The following TARS3 variants were observed in gnomAD, a reference collection of about 807,000 sequenced individuals.
TARS3 encodes the protein threonine--tRNA ligase 2, cytoplasmic.
In TARS3, 94 loss-of-function variants were observed where a neutral mutation model predicts 103.5. The observed-to-expected ratio is 0.91, with a 90% CI of 0.77 to 1.08. The LOEUF (loss-of-function observed/expected upper bound fraction) is 1.08, where lower values mean the gene tolerates loss of function less well. Among genes scored for constraint, TARS3 ranks in the 50% least tolerant of loss-of-function variants. The probability of loss-of-function intolerance (pLI) is 0.00; values close to 1 mark genes in which losing one functional copy is unlikely to be tolerated. For missense variants in TARS3, 952 were observed against 995.2 expected (o/e 0.96, Z 0.58); for synonymous variants, 416 against 355.4 (o/e 1.17, Z -1.92).
chr15:101,716,860 T>TC (rs1900183499), intron 3 of TARS3, among the ~76,000 whole-genome samples: 1 of 150,186 alleles, frequency 6.7e-6, no homozygotes, highest in Admixed American at 6.6e-5. Flanking sequence ...ATGTAATTTT[T>TC]TTTTTTTTTT....
In TARS3 at chr15:101,653,768, A is replaced by G. The variant is rs184238915; in HGVS notation, c.*814T>C. On this transcript the variant is annotated 3_prime_UTR_variant, in exon 19 of 19. Transcript: ENST00000335968. ...TTTGGTAGCTGAATTCTCTATTGACATAATGCCATTTTAATTCAGTTCTGA... is the reference window on the plus strand; with the variant it reads ...TTTGGTAGCTGAATTCTCTATTGACGTAATGCCATTTTAATTCAGTTCTGA... 4 of 152,354 alleles carry G rather than the reference A, an allele frequency of 2.6e-5. 1 individual carries two copies. The highest frequency in any genetic ancestry group is 9.6e-5 in the African/African-American group (4 of 41,580). 9.4% of individuals were successfully genotyped at this position (152,354 alleles called of 1,614,324 possible).
In TARS3 at chr15:101,724,236, G is replaced by C; in HGVS notation, c.152C>G (p.Thr51Arg). 6.4e-7 allele frequency: 1 copy of C among 1,551,728 alleles called. No individual in the cohort carries two copies. The highest frequency in any genetic ancestry group is 1.4e-5 in the African/African-American group (1 of 71,488). The change falls in exon 1 of 19, where the codon ACG becomes AGG. Residue 51 changes from threonine (T) to arginine (R), a missense_variant. By Grantham distance (71) the Thr-to-Arg change is moderately conservative. Transcript: ENST00000335968. ...YSCQAEGPCL[T>R]REVAQLRAEN... ...GGCCCGGAGCTGCGCCACCTCCCGC[G>C]TGAGGCACGGCCCCTCCGCCTGGCA...
intron 4 of TARS3, 113 bp from the exon 5 acceptor site, chr15:101,712,114 G>A (rs1390049035): frequency 6.9e-6 from 8 of 1,154,766 alleles, no homozygotes; most frequent in African/African-American, 1.6e-5. Flanking sequence ...GCAAGACCAA[G>A]GGCAGCAACA....
intron 16 of TARS3, among the ~76,000 whole-genome samples, chr15:101,658,506 T>C (rs1897262516): frequency 6.6e-6 from 1 of 151,814 alleles, no homozygotes; most frequent in South Asian, 2.1e-4. Context: ...GGCTGTCAGA[T>C]AGGAGGACAG....
At chr15:101,702,089 T>A in intron 9 of TARS3, 150 bp downstream of exon 9, 1 of 810,078 alleles carries the variant, frequency 1.2e-6, no homozygotes, top group Non-Finnish European at 2.0e-6. Context: ...GGTATTAAAA[T>A]GAAAGCACTG....
rs535919455 is a variant in TARS3, at chr15:101,690,947, C to T, written c.1321-4885G>A. ...TGAAAATTATTTAATGGGTATCAATCTTTTTTTTTGAAATGGAGTCTCGCT... is the reference window on the plus strand; with the variant it reads ...TGAAAATTATTTAATGGGTATCAATTTTTTTTTTTGAAATGGAGTCTCGCT... On this transcript the variant is annotated intron_variant, in intron 10 of 18. Transcript: ENST00000335968. Among the ~76,000 whole-genome samples, 239 of 151,278 alleles carry T rather than the reference C, an allele frequency of 1.6e-3. 2 individuals are homozygous for T. The highest frequency in any genetic ancestry group is 5.5e-3 in the African/African-American group (225 of 41,254).
chr15:101,672,971 G>A (rs936137000), intron 13 of TARS3, among the ~76,000 whole-genome samples: 2 of 152,154 alleles, frequency 1.3e-5, no homozygotes, highest in Admixed American at 1.3e-4. Flanking sequence ...ATAAAGCAGG[G>A]GTCACTGCTG....
At chr15:101,680,103 G>A (rs554070825) in intron 12 of TARS3, among the ~76,000 whole-genome samples, 2 of 152,278 alleles carry the variant, frequency 1.3e-5, no homozygotes, top group East Asian at 3.9e-4. Context: ...GGGGGAGGGG[G>A]ATGGGATCTT....
chr15:101,720,997 C>T (rs1900426038), intron 3 of TARS3, 129 bp downstream of exon 3: 1 of 789,298 alleles, frequency 1.3e-6, no homozygotes, highest in East Asian at 2.5e-5. Flanking sequence ...TATAAATAAC[C>T]CAGTCTCAGA....
chr15:101,714,605 C>CAAAAAAAAA (rs35014693), intron 4 of TARS3: 2 of 77,446 alleles, frequency 2.6e-5, no homozygotes, highest in Non-Finnish European at 4.2e-5. Context: ...GACTCCATCT[C>CAAAAAAAAA]AAAAAAAAAA....
chr15:101,719,862 T>A (rs1035274371), intron 3 of TARS3, among the ~76,000 whole-genome samples: 10 of 152,184 alleles, frequency 6.6e-5, no homozygotes, highest in Non-Finnish European at 1.2e-4. Flanking sequence ...GACGGTTAGC[T>A]TGCATTAGAA....
chr15:101,703,980 G>C (rs372602972), intron 7 of TARS3, 43 bp from the exon 8 acceptor site: 2 of 1,386,438 alleles, frequency 1.4e-6, no homozygotes, highest in African/African-American at 2.9e-5. Flanking sequence ...CAGTTACAGT[G>C]TTCTGGACTA....
At chr15:101,694,878 T>C (rs1278158113) in intron 10 of TARS3, among the ~76,000 whole-genome samples, 2 of 152,126 alleles carry the variant, frequency 1.3e-5, no homozygotes, top group African/African-American at 4.8e-5. Context: ...GAGTGGTGGT[T>C]ACCAGAGGCT....
chr15:101,679,778 T>C (rs961199545), intron 12 of TARS3, among the ~76,000 whole-genome samples: 8 of 152,210 alleles, frequency 5.3e-5, no homozygotes, highest in African/African-American at 1.9e-4. Context: ...ACTGACACTC[T>C]TCCAGCAGAG....
intron 10 of TARS3, among the ~76,000 whole-genome samples, chr15:101,698,073 A>G (rs1266593891): frequency 4.6e-5 from 7 of 152,216 alleles, no homozygotes; most frequent in African/African-American, 1.7e-4. Flanking sequence ...GCGGTGACTC[A>G]CGCCTGTAAT....
intron 2 of TARS3, 95 bp from the exon 3 acceptor site, chr15:101,721,417 T>C: frequency 2.3e-6 from 2 of 859,592 alleles, no homozygotes; most frequent in Non-Finnish European, 3.6e-6. Flanking sequence ...TACTGCCTTC[T>C]CAGTTCTACA....
chr15:101,672,939 A>G (rs1485682936), intron 13 of TARS3, among the ~76,000 whole-genome samples: 2 of 152,152 alleles, frequency 1.3e-5, no homozygotes, highest in African/African-American at 4.8e-5. Flanking sequence ...AGCCAAGGAA[A>G]GGCCAAGTTT....
In TARS3 at chr15:101,708,906, C is replaced by T. The variant is rs199808454; in HGVS notation, c.817G>A (p.Val273Met). The change falls in exon 6 of 19, where the codon GTG becomes ATG. Residue 273 changes from valine (V) to methionine (M), a missense_variant. Transcript: ENST00000335968. ...AGGGCTGACAATTCTGTGCTGGACA[C>T]TGCTCTAAAAAGAAGAGCAGAGAAC... is the stretch of plus-strand genomic sequence containing the variant. Reference protein sequence around the residue: ...YYDMFIEDRAVSSTELSALEN... With the variant: ...YYDMFIEDRAMSSTELSALEN... The T allele has an allele frequency of 4.4e-4, 701 of 1,580,236 alleles. No homozygotes were observed. Among genetic ancestry groups the T allele is most frequent in the Non-Finnish European group, 5.3e-4 (613 of 1,165,814 alleles).
In TARS3 at chr15:101,724,228, C is replaced by A; in HGVS notation, c.160G>T (p.Val54Leu). Reference protein sequence around the residue: ...QAEGPCLTREVAQLRAENCDL... With the variant: ...QAEGPCLTRELAQLRAENCDL... ...CAGTTCTCGGCCCGGAGCTGCGCCA[C>A]CTCCCGCGTGAGGCACGGCCCCTCC... Residue 54 changes from valine (V) to leucine (L), a missense_variant, in exon 1 of 19, where the codon GTG (valine) becomes TTG (leucine). Val to Leu is a conservative substitution (Grantham distance 32). Transcript: ENST00000335968. 1 of 1,546,428 alleles carries A rather than the reference C, an allele frequency of 6.5e-7. No individual in the cohort carries two copies. The highest frequency in any genetic ancestry group is 8.7e-7 in the Non-Finnish European group (1 of 1,153,492).
Sources: allele counts gnomAD v4.1 joint callset (sites outside exome capture counted in the v4.1 genomes callset), GRCh38; gene constraint gnomAD v4.1.1; transcripts MANE v1.5; gene names NCBI Gene and HGNC (gene_info 2026-07-23, HGNC 2026-07-21).